PRKN: variants seen among roughly 807,000 people sequenced by gnomAD.
PRKN encodes the protein parkin RBR E3 ubiquitin protein ligase, also known as E3 ubiquitin-protein ligase parkin.
A neutral mutation model predicts 59.5 loss-of-function variants in PRKN; 56 were observed. The ratio of observed to expected loss-of-function variants is 0.94; its 90% CI spans 0.76 to 1.18. The LOEUF (loss-of-function observed/expected upper bound fraction) is 1.18. Ranked by LOEUF, PRKN falls within the 50% of genes most tolerant of loss-of-function variation. The pLI is 0.00. For synonymous variants in PRKN, 250 were observed against 222.1 expected, an observed-to-expected ratio of 1.13 and a Z score of -1.12; for missense variants, 657 against 596.4, an observed-to-expected ratio of 1.10 and a Z score of -1.06.
At chr6:161,725,675 C>A (rs1026565749) in intron 7 of PRKN, among the ~76,000 whole-genome samples, 6 of 152,178 alleles carry the variant, frequency 3.9e-5, no homozygotes, top group African/African-American at 1.4e-4. Flanking sequence ...TTTGGAGGTA[C>A]CTGGAGCCCT....
rs372337549 is a variant in PRKN, at chr6:161,544,167, A to G, written c.1083+4687T>C. Among the ~76,000 whole-genome samples the G allele has an allele frequency of 8.5e-5, 13 of 152,210 alleles. No homozygotes were observed. The highest frequency in any genetic ancestry group is 1.8e-4 in the Non-Finnish European group (12 of 68,028). ...TTCTCCCAAGAGTAAGACATTTTACATATCAGAATGTACTCTTTACTTGGC... is the reference window on the plus strand; with the variant it reads ...TTCTCCCAAGAGTAAGACATTTTACGTATCAGAATGTACTCTTTACTTGGC... On this transcript the variant is annotated intron_variant, in intron 9 of 11. Coordinates refer to ENST00000366898, the MANE Select transcript of PRKN (RefSeq NM_004562.3). The surrounding 1 kb of genome is among the most constrained non-coding windows in gnomAD (Gnocchi z 5.5).
intron 3 of PRKN, among the ~76,000 whole-genome samples, chr6:162,254,531 G>A (rs940441850): frequency 6.6e-6 from 1 of 151,834 alleles, no homozygotes; most frequent in African/African-American, 2.4e-5. Flanking sequence ...TTGAGGCACT[G>A]ACCCTGATCT....
intron 1 of PRKN, among the ~76,000 whole-genome samples, chr6:162,713,351 A>G (rs909409171): frequency 1.3e-5 from 2 of 152,002 alleles, no homozygotes; most frequent in Non-Finnish European, 2.9e-5. Flanking sequence ...AAAATTAGCC[A>G]CGCGTGCTGG....
chr6:161,545,878 A>C lies in PRKN; in HGVS notation c.1083+2976T>G, dbSNP rs534462536. Among the ~76,000 whole-genome samples, 1 of 152,342 alleles carries C rather than the reference A, an allele frequency of 6.6e-6. No individual in the cohort carries two copies. Among genetic ancestry groups the C allele is most frequent in the Admixed American group, 6.5e-5 (1 of 15,302 alleles). ...ATAGTCACCATGGTTCCTTGTGGAAAAGTCTGTTGGGATGTCCTGAACCAC... is the reference window on the plus strand; with the variant it reads ...ATAGTCACCATGGTTCCTTGTGGAACAGTCTGTTGGGATGTCCTGAACCAC... On this transcript the variant is annotated intron_variant, in intron 9 of 11. Coordinates refer to ENST00000366898, the MANE Select transcript of PRKN (RefSeq NM_004562.3). This position sits in a 1 kb window ranked among gnomAD's most constrained non-coding sequence, Gnocchi z 4.1.
intron 3 of PRKN, among the ~76,000 whole-genome samples, chr6:162,225,914 T>A (rs118126939): frequency 0.023 from 3,320 of 142,530 alleles, 64 homozygotes; most frequent in Non-Finnish European, 0.035. Context: ...ATACTTTTGT[T>A]ATATATTTAT....
intron 4 of PRKN, among the ~76,000 whole-genome samples, chr6:162,117,204 G>C (rs889187096): frequency 6.6e-6 from 1 of 152,176 alleles, no homozygotes; most frequent in African/African-American, 2.4e-5. Context: ...AGATAATGAA[G>C]AATGATTTTA....
intron 2 of PRKN, among the ~76,000 whole-genome samples, chr6:162,436,253 C>G (rs899135815): frequency 1.4e-5 from 2 of 146,232 alleles, no homozygotes; most frequent in Non-Finnish European, 3.0e-5. Context: ...AAATTTAGTT[C>G]AGAAATGAAG....
chr6:162,100,908 A>G (rs79275166), intron 4 of PRKN, among the ~76,000 whole-genome samples: 1,866 of 151,990 alleles, frequency 0.012, 46 homozygotes, highest in East Asian at 0.067. Flanking sequence ...CTGTTTCTTT[A>G]CCCCATTTTT....
chr6:161,971,094 T>C (rs1204482397), intron 6 of PRKN, among the ~76,000 whole-genome samples: 1 of 152,184 alleles, frequency 6.6e-6, no homozygotes. Flanking sequence ...ACCCTTAAGA[T>C]GCATCTGGAT....
intron 2 of PRKN, among the ~76,000 whole-genome samples, chr6:162,312,937 C>T (rs918838609): frequency 6.6e-6 from 1 of 151,576 alleles, no homozygotes; most frequent in Non-Finnish European, 1.5e-5. Context: ...ACACTAGATG[C>T]CAGAAGAAAA....
intron 1 of PRKN, among the ~76,000 whole-genome samples, chr6:162,671,907 A>G (rs1779336774): frequency 6.6e-6 from 1 of 152,250 alleles, no homozygotes; most frequent in South Asian, 2.1e-4. Context: ...GATGAGGGAC[A>G]GGGAGGAAGA....
intron 9 of PRKN, among the ~76,000 whole-genome samples, chr6:161,432,254 C>T (rs1478862376): frequency 6.6e-6 from 1 of 152,074 alleles, no homozygotes; most frequent in African/African-American, 2.4e-5. Flanking sequence ...TTTTTCATAA[C>T]TCATCTTGCA....
rs931302570 is a variant in PRKN, at chr6:161,551,003, A to AT, written c.934-2001dup. ...ACCTGGCCTCCTTGTAAACGTGTGAATGGCATACACATACAGCACCTTTAC... is the reference window on the plus strand; with the variant it reads ...ACCTGGCCTCCTTGTAAACGTGTGAATTGGCATACACATACAGCACCTTTAC... On this transcript the variant is annotated intron_variant, in intron 8 of 11. Transcript: ENST00000366898. The surrounding 1 kb of genome is among the most constrained non-coding windows in gnomAD (Gnocchi z 5.2). 2.6e-5 allele frequency among the ~76,000 whole-genome samples: 4 copies of AT among 152,118 alleles called. No homozygotes were observed. Among genetic ancestry groups the AT allele is most frequent in the Non-Finnish European group, 4.4e-5 (3 of 68,034 alleles).
chr6:162,655,877 G>A (rs1180004449), intron 1 of PRKN, among the ~76,000 whole-genome samples: 1 of 152,036 alleles, frequency 6.6e-6, no homozygotes, highest in African/African-American at 2.4e-5. Context: ...AATGTAAACT[G>A]ACTTTTAATT....
chr6:161,719,664 CATG>C (rs1787136285), intron 7 of PRKN, among the ~76,000 whole-genome samples: 1 of 152,202 alleles, frequency 6.6e-6, no homozygotes, highest in Admixed American at 6.5e-5. Flanking sequence ...GTTCTCCTAT[CATG>C]ATAAGAGAAG....
At chr6:162,276,120 T>C (rs1406675738) in intron 2 of PRKN, among the ~76,000 whole-genome samples, 3 of 152,194 alleles carry the variant, frequency 2.0e-5, no homozygotes, top group African/African-American at 7.2e-5. Flanking sequence ...GAGGTATGTT[T>C]TGTTCGTTTT....
rs1383170717 is a variant in PRKN at position 161,374,770 on chromosome 6, C to T, written c.1167+12024G>A. Reference sequence around the variant, plus strand: ...GTGTGTGTGTGGTGTGTAGCTGTGACAATAAGTTTCTATAAAAATATTTTC... The same window carrying T: ...GTGTGTGTGTGGTGTGTAGCTGTGATAATAAGTTTCTATAAAAATATTTTC... On this transcript the variant is annotated intron_variant, in intron 10 of 11. Coordinates refer to ENST00000366898, the MANE Select transcript of PRKN (RefSeq NM_004562.3). Among the ~76,000 whole-genome samples the T allele has an allele frequency of 2.7e-4, 12 of 44,418 alleles. No homozygotes were observed. In the Admixed American group the frequency reaches 4.0e-3, roughly 15 times the overall value. The allele number at this position is 44,418 out of a possible 152,430, so 29.1% of individuals were successfully genotyped here.
chr6:162,593,452 A>G (rs981068852), intron 1 of PRKN, among the ~76,000 whole-genome samples: 11 of 152,130 alleles, frequency 7.2e-5, no homozygotes, highest in African/African-American at 2.7e-4. Context: ...AAACTTATAA[A>G]CTTTATTTAT....
intron 9 of PRKN, among the ~76,000 whole-genome samples, chr6:161,535,783 A>G (rs543211010): frequency 6.6e-6 from 1 of 152,258 alleles, no homozygotes; most frequent in South Asian, 2.1e-4. Flanking sequence ...GAGGGCAACT[A>G]AAGGCTTGGT....
Sources: gnomAD v4.1 joint callset for allele counts (sites outside exome capture counted in the v4.1 genomes callset) on GRCh38, gnomAD v4.1.1 for gene constraint, Gnocchi (gnomAD v3.1) non-coding constraint, MANE v1.5 for transcripts, NCBI Gene and HGNC (gene_info 2026-07-23, HGNC 2026-07-21) for gene names.